The following CSMD1 variants were observed in gnomAD, a reference collection of about 807,000 sequenced individuals.
CSMD1 encodes the protein CUB and Sushi multiple domains 1.
Under a neutral mutation model 417.5 loss-of-function variants are expected in CSMD1, and 213 were observed. The ratio of observed to expected loss-of-function variants is 0.51; its 90% CI spans 0.46 to 0.57. The LOEUF (loss-of-function observed/expected upper bound fraction) is 0.57, where lower values mean the gene tolerates loss of function less well. Among genes scored for constraint, CSMD1 ranks in the 20% least tolerant of loss-of-function variants. CSMD1 has a pLI of 0.00. For synonymous variants in CSMD1, 2,862 were observed against 1,736.8 expected, an observed-to-expected ratio of 1.65 and a Z score of -16.11; for missense variants, 6,923 against 4,529.7, an observed-to-expected ratio of 1.53 and a Z score of -15.17.
At chr8:3,207,065 G>T (rs1021426098) in intron 30 of CSMD1, among the ~76,000 whole-genome samples, 1 of 151,086 alleles carries the variant, frequency 6.6e-6, no homozygotes, top group African/African-American at 2.4e-5. Flanking sequence ...TTTGAATTCA[G>T]AATTAGCTTC....
chr8:4,369,666 T>G (rs1490110731), intron 3 of CSMD1, among the ~76,000 whole-genome samples: 1 of 152,220 alleles, frequency 6.6e-6, no homozygotes, highest in East Asian at 1.9e-4. Flanking sequence ...GTCTTCTTGT[T>G]GAGTTGAGCC....
At chr8:2,989,828 C>A (rs151181539) in intron 54 of CSMD1, among the ~76,000 whole-genome samples, 2 of 152,290 alleles carry the variant, frequency 1.3e-5, no homozygotes, top group African/African-American at 4.8e-5. Flanking sequence ...GTTTTGTGTC[C>A]AATGCACAGA....
intron 3 of CSMD1, among the ~76,000 whole-genome samples, chr8:4,247,309 C>T (rs1002723539): frequency 6.6e-6 from 1 of 152,154 alleles, no homozygotes; most frequent in African/African-American, 2.4e-5. Context: ...ATTGTCTTCT[C>T]TACCACACTG....
intron 1 of CSMD1, among the ~76,000 whole-genome samples, chr8:4,804,697 G>C (rs553890775): frequency 6.6e-6 from 1 of 152,238 alleles, no homozygotes; most frequent in African/African-American, 2.4e-5. Flanking sequence ...CCAATATTAT[G>C]TTCATACATT....
intron 1 of CSMD1, among the ~76,000 whole-genome samples, chr8:4,690,625 C>T (rs999214405): frequency 2.6e-5 from 4 of 152,146 alleles, no homozygotes; most frequent in African/African-American, 7.2e-5. Context: ...CATGTGAATA[C>T]AGTTATTCAC....
At chr8:3,246,498 GTC>G (rs1799889021) in intron 26 of CSMD1, among the ~76,000 whole-genome samples, 1 of 151,888 alleles carries the variant, frequency 6.6e-6, no homozygotes, top group Non-Finnish European at 1.5e-5. Context: ...TTGTGACAGA[GTC>G]TCACTCTGTC....
chr8:3,644,816 C>A (rs1011346308), intron 7 of CSMD1, among the ~76,000 whole-genome samples: 2 of 152,004 alleles, frequency 1.3e-5, no homozygotes, highest in African/African-American at 4.8e-5. Flanking sequence ...ACTTAACATC[C>A]TCCCTCCAGG....
At chr8:4,218,774 C>A (rs954151193) in intron 3 of CSMD1, among the ~76,000 whole-genome samples, 1 of 152,192 alleles carries the variant, frequency 6.6e-6, no homozygotes, top group East Asian at 1.9e-4. Context: ...TGATTTGGTC[C>A]TGTAACAATA....
chr8:3,553,930 T>C (rs1799027736), intron 10 of CSMD1, among the ~76,000 whole-genome samples: 1 of 152,196 alleles, frequency 6.6e-6, no homozygotes. Context: ...GACTTCTACG[T>C]AATGGGGCAA....
At chr8:3,600,035 C>A (rs1239120238) in intron 8 of CSMD1, among the ~76,000 whole-genome samples, 2 of 152,180 alleles carry the variant, frequency 1.3e-5, no homozygotes, top group East Asian at 3.9e-4. Flanking sequence ...GGCACCTCCT[C>A]AGCTCATCAC....
intron 2 of CSMD1, among the ~76,000 whole-genome samples, chr8:4,447,439 G>T (rs1174172629): frequency 2.0e-5 from 3 of 152,164 alleles, no homozygotes; most frequent in Non-Finnish European, 2.9e-5. Flanking sequence ...TGGACCCAGA[G>T]GAAGGAGTAG....
intron 5 of CSMD1, among the ~76,000 whole-genome samples, chr8:3,910,273 C>T (rs545876806): frequency 4.6e-5 from 7 of 152,088 alleles, no homozygotes; most frequent in African/African-American, 1.7e-4. Flanking sequence ...CCCAGCTGCT[C>T]AGCTCTCTCA....
chr8:4,436,638 A>T (rs1241813474), intron 2 of CSMD1, among the ~76,000 whole-genome samples: 1 of 151,954 alleles, frequency 6.6e-6, no homozygotes, highest in Non-Finnish European at 1.5e-5. Context: ...TATTTTTTTT[A>T]ATCCATTAAC....
At chr8:3,389,135 G>C (rs1246872459) in intron 17 of CSMD1, among the ~76,000 whole-genome samples, 1 of 152,114 alleles carries the variant, frequency 6.6e-6, no homozygotes, top group African/African-American at 2.4e-5. Context: ...TTTATTTTAA[G>C]TTCAGGGGTA....
At chr8:3,343,902 C>T (rs1186153815) in intron 22 of CSMD1, among the ~76,000 whole-genome samples, 4 of 152,268 alleles carry the variant, frequency 2.6e-5, no homozygotes, top group Non-Finnish European at 5.9e-5. Context: ...TGTCTGAATG[C>T]ACTAAAGGAC....
chr8:3,383,575 G>C (rs562145746), intron 18 of CSMD1, among the ~76,000 whole-genome samples: 2 of 152,182 alleles, frequency 1.3e-5, no homozygotes, highest in East Asian at 3.9e-4. Context: ...TGAAATATGG[G>C]ACTATCTTAA....
intron 5 of CSMD1, among the ~76,000 whole-genome samples, chr8:3,840,134 G>T (rs902769418): frequency 6.6e-6 from 1 of 152,040 alleles, no homozygotes; most frequent in Non-Finnish European, 1.5e-5. Context: ...TGAACAGCTT[G>T]CTTCCTTTAT....
chr8:3,463,789 C>T (rs988779356), intron 12 of CSMD1, among the ~76,000 whole-genome samples: 1 of 152,170 alleles, frequency 6.6e-6, no homozygotes, highest in Non-Finnish European at 1.5e-5. Flanking sequence ...TCAATGCTGT[C>T]TCAAAAGTTC....
intron 3 of CSMD1, among the ~76,000 whole-genome samples, chr8:4,080,513 T>A (rs1462721699): frequency 6.6e-6 from 1 of 152,228 alleles, no homozygotes; most frequent in African/African-American, 2.4e-5. Context: ...CAAAAGAAGA[T>A]ACTGATCAAG....
Sources: allele counts gnomAD v4.1 joint callset (sites outside exome capture counted in the v4.1 genomes callset), GRCh38; gene constraint gnomAD v4.1.1; transcripts MANE v1.5; gene names NCBI Gene and HGNC (gene_info 2026-07-23, HGNC 2026-07-21).